The following HPSE2 variants were observed in gnomAD, a reference collection of about 807,000 sequenced individuals.
The protein encoded by HPSE2 is inactive heparanase-2.
In HPSE2, 38 loss-of-function variants were observed where a neutral mutation model predicts 60.5. The ratio of observed to expected loss-of-function variants is 0.63; its 90% confidence interval spans 0.48 to 0.82. The LOEUF is 0.82. Among genes scored for constraint, HPSE2 ranks in the 40% least tolerant of loss-of-function variants. HPSE2 has a pLI of 0.00. For missense variants in HPSE2, 713 were observed against 740.4 expected (o/e 0.96, Z 0.43); for synonymous variants, 295 against 293.2 (o/e 1.01, Z -0.06).
chr10:99,049,950 A>T (rs1957950912), intron 3 of HPSE2, among the ~76,000 whole-genome samples: 1 of 152,232 alleles, frequency 6.6e-6, no homozygotes, highest in African/African-American at 2.4e-5. Context: ...CAGACATTTC[A>T]CTATATATAA....
chr10:98,852,789 G>C (rs72836742), intron 3 of HPSE2, among the ~76,000 whole-genome samples: 1 of 152,118 alleles, frequency 6.6e-6, no homozygotes. Context: ...ACACCTTGTA[G>C]CCCTATATTT....
intron 3 of HPSE2, among the ~76,000 whole-genome samples, chr10:98,829,348 C>T (rs534129991): frequency 2.1e-4 from 32 of 151,958 alleles, no homozygotes; most frequent in Non-Finnish European, 2.9e-4. Flanking sequence ...GCCAATATAG[C>T]GAAACCCCTT....
At chr10:99,132,257 AAG>A (rs1845470166) in intron 3 of HPSE2, among the ~76,000 whole-genome samples, 2 of 145,976 alleles carry the variant, frequency 1.4e-5, no homozygotes, top group South Asian at 4.6e-4. Flanking sequence ...GAAAGAAAGA[AAG>A]AAAGAAAGAA....
intron 3 of HPSE2, among the ~76,000 whole-genome samples, chr10:99,046,559 G>T (rs1262152908): frequency 6.6e-6 from 1 of 152,052 alleles, no homozygotes; most frequent in Non-Finnish European, 1.5e-5. Flanking sequence ...CTGCCGATAT[G>T]ATTCTATACC....
chr10:99,019,965 G>A (rs530305823), intron 3 of HPSE2, among the ~76,000 whole-genome samples: 14 of 152,108 alleles, frequency 9.2e-5, no homozygotes, highest in African/African-American at 3.4e-4. Flanking sequence ...GCCCACCTCA[G>A]CCTCCCAAAG....
chr10:99,179,084 A>G (rs1426735224), intron 2 of HPSE2, among the ~76,000 whole-genome samples: 3 of 152,312 alleles, frequency 2.0e-5, no homozygotes, highest in Non-Finnish European at 4.4e-5. Flanking sequence ...TCATGCTAAA[A>G]TCTCTCAATA....
chr10:99,220,601 G>A (rs1370838946), intron 2 of HPSE2, among the ~76,000 whole-genome samples: 1 of 151,886 alleles, frequency 6.6e-6, no homozygotes, highest in Non-Finnish European at 1.5e-5. Context: ...TCAAGAGATC[G>A]AGACCATCCT....
At chr10:98,805,707 G>A (rs963129208) in intron 3 of HPSE2, among the ~76,000 whole-genome samples, 1 of 151,966 alleles carries the variant, frequency 6.6e-6, no homozygotes, top group Non-Finnish European at 1.5e-5. Context: ...TAGATATTTA[G>A]GTAAATAAAT....
At chr10:99,052,175 T>C (rs1230308334) in intron 3 of HPSE2, among the ~76,000 whole-genome samples, 2 of 151,120 alleles carry the variant, frequency 1.3e-5, no homozygotes, top group South Asian at 2.1e-4. Flanking sequence ...TCAAGGACTA[T>C]AGGAAAGAAT....
At chr10:98,862,345 A>C (rs950485789) in intron 3 of HPSE2, among the ~76,000 whole-genome samples, 1 of 152,158 alleles carries the variant, frequency 6.6e-6, no homozygotes, top group African/African-American at 2.4e-5. Flanking sequence ...TTAGAAACAG[A>C]AAAATCCCTA....
rs1181985525 is a variant in HPSE2 at position 98,937,615 on chromosome 10, C to G, written c.611-193559G>C. Among the ~76,000 whole-genome samples, 94 of 143,646 alleles carry G rather than the reference C, an allele frequency of 6.5e-4. 7 individuals carry two copies. Among genetic ancestry groups the G allele is most frequent in the Non-Finnish European group, 1.2e-3 (79 of 67,032 alleles). 94.2% of individuals were successfully genotyped at this position (143,646 alleles called of 152,430 possible). On this transcript the variant is annotated intron_variant, in intron 3 of 11. Coordinates refer to ENST00000370552, the MANE Select transcript of HPSE2 (RefSeq NM_021828.5). ...GAACTGGGTGGAGCCCACCACAGCT[C>G]AAGGAGGCCTGCCTGCCTCTGTAGG...
intron 3 of HPSE2, among the ~76,000 whole-genome samples, chr10:98,837,597 G>A (rs1300773126): frequency 6.6e-6 from 1 of 152,150 alleles, no homozygotes; most frequent in African/African-American, 2.4e-5. Context: ...ACCTCCGGCC[G>A]GGCGTGGTGG....
chr10:98,882,146 A>G (rs930917018), intron 3 of HPSE2, among the ~76,000 whole-genome samples: 1 of 151,964 alleles, frequency 6.6e-6, no homozygotes, highest in Non-Finnish European at 1.5e-5. Context: ...GGTAGCTGCT[A>G]GTCTGAGTAA....
chr10:99,210,055 A>C (rs893696734), intron 2 of HPSE2, among the ~76,000 whole-genome samples: 53 of 152,202 alleles, frequency 3.5e-4, no homozygotes, highest in African/African-American at 1.3e-3. Context: ...AAGAGAAAAA[A>C]CTAAAATAAA....
At chr10:98,729,304 T>C (rs1949169562) in intron 4 of HPSE2, among the ~76,000 whole-genome samples, 1 of 152,152 alleles carries the variant, frequency 6.6e-6, no homozygotes, top group Admixed American at 6.5e-5. Flanking sequence ...GGTAAAATTT[T>C]TTTTTAAAAG....
intron 3 of HPSE2, among the ~76,000 whole-genome samples, chr10:98,953,422 C>T (rs2135201807): frequency 6.6e-6 from 1 of 152,278 alleles, no homozygotes; most frequent in African/African-American, 2.4e-5. Flanking sequence ...CTATCTAATA[C>T]AGCAAGGACC....
intron 7 of HPSE2, among the ~76,000 whole-genome samples, chr10:98,632,571 G>A (rs1946392309): frequency 6.6e-6 from 1 of 151,986 alleles, no homozygotes; most frequent in South Asian, 2.1e-4. Context: ...GTATATGAAG[G>A]CCAAGAGTCA....
chr10:98,794,007 T>G (rs938071932), intron 3 of HPSE2, among the ~76,000 whole-genome samples: 1 of 152,194 alleles, frequency 6.6e-6, no homozygotes, highest in Admixed American at 6.5e-5. Flanking sequence ...CTGTAAAGTT[T>G]TTTCTAACTC....
At chr10:98,493,043 GTATCTCA>G (rs1381612267) in intron 9 of HPSE2, among the ~76,000 whole-genome samples, 34 of 152,000 alleles carry the variant, frequency 2.2e-4, no homozygotes, top group Non-Finnish European at 4.9e-4. Flanking sequence ...ACTATTCTAA[GTATCTCA>G]TATAAATGAA....
Sources: gnomAD v4.1 joint callset for allele counts (sites outside exome capture counted in the v4.1 genomes callset) on GRCh38, gnomAD v4.1.1 for gene constraint, MANE v1.5 for transcripts, NCBI Gene and HGNC (gene_info 2026-07-23, HGNC 2026-07-21) for gene names.